Variants in PRELID2 observed in about 807,000 individuals in gnomAD.
PRELID2 encodes PRELI domain containing 2.
A neutral mutation model predicts 28.4 loss-of-function variants in PRELID2; 25 were observed. The observed-to-expected ratio is 0.88, with a 90% confidence interval of 0.64 to 1.23. The LOEUF (loss-of-function observed/expected upper bound fraction) is 1.23. Among genes scored for constraint, PRELID2 ranks in the 50% most tolerant of loss-of-function variants. The pLI is 0.00. For missense variants in PRELID2, 201 were observed against 214.4 expected, an observed-to-expected ratio of 0.94 and a Z score of 0.39; for synonymous variants, 76 against 71.6, an observed-to-expected ratio of 1.06 and a Z score of -0.31.
intron 1 of PRELID2, among the ~76,000 whole-genome samples, chr5:145,711,581 A>G (rs969999326): frequency 2.6e-5 from 4 of 152,170 alleles, no homozygotes; most frequent in Non-Finnish European, 4.4e-5. Flanking sequence ...GGGTGCTTAC[A>G]TGGAAATCTG....
the PRELID2 span, among the ~76,000 whole-genome samples, chr5:145,375,856 T>C: frequency 7.2e-5 from 11 of 152,166 alleles, no homozygotes; most frequent in Non-Finnish European, 1.2e-4. Flanking sequence ...CCTGGAGCTA[T>C]AGAGATGCAT....
chr5:145,544,404 T>C (rs1214390797), intron 1 of PRELID2, among the ~76,000 whole-genome samples: 1 of 152,130 alleles, frequency 6.6e-6, no homozygotes, highest in African/African-American at 2.4e-5. Flanking sequence ...TATGGCGAGG[T>C]ACAAATGTGC....
chr5:145,752,051 C>A (rs1757136982), downstream of PRELID2, among the ~76,000 whole-genome samples: 1 of 152,118 alleles, frequency 6.6e-6, no homozygotes, highest in Non-Finnish European at 1.5e-5. Context: ...GACTGCAGAT[C>A]CCTAAGAGAA....
At chr5:145,553,189 C>A (rs1185925946) in intron 1 of PRELID2, among the ~76,000 whole-genome samples, 5 of 141,580 alleles carry the variant, frequency 3.5e-5, no homozygotes, top group Non-Finnish European at 6.1e-5. Flanking sequence ...AGGACCCCCC[C>A]CCCCAAAAAA....
At chr5:145,828,808 A>T (rs1019639335) in intron 1 of PRELID2, among the ~76,000 whole-genome samples, 1 of 146,652 alleles carries the variant, frequency 6.8e-6, no homozygotes, top group Non-Finnish European at 1.5e-5. Flanking sequence ...AGACAGGTCC[A>T]TGTACTTAGA....
At chr5:145,315,604 T>C in the PRELID2 span, among the ~76,000 whole-genome samples, 1 of 149,606 alleles carries the variant, frequency 6.7e-6, no homozygotes, top group Admixed American at 6.7e-5. Context: ...ATCATGCCAG[T>C]TGGATCTTTT....
downstream of PRELID2, among the ~76,000 whole-genome samples, chr5:145,753,979 T>TAGCCCACA (rs1757193280): frequency 2.6e-5 from 4 of 152,294 alleles, no homozygotes; most frequent in Admixed American, 2.6e-4. Context: ...CTCGCAGGAC[T>TAGCCCACA]AGCCCACACA....
chr5:145,238,517 T>C, the PRELID2 span, among the ~76,000 whole-genome samples: 20 of 152,152 alleles, frequency 1.3e-4, no homozygotes, highest in Non-Finnish European at 2.9e-4. Context: ...TTCCTATTGC[T>C]ACTTTTCCAT....
chr5:145,748,545 C>T (rs1037889790), intron 1 of PRELID2, among the ~76,000 whole-genome samples: 26 of 152,174 alleles, frequency 1.7e-4, no homozygotes, highest in African/African-American at 6.3e-4. Flanking sequence ...AATGGCCATA[C>T]TGCCCCAAGT....
At chr5:145,431,006 GT>G in the PRELID2 span, among the ~76,000 whole-genome samples, 2,885 of 55,588 alleles carry the variant, frequency 0.052, 134 homozygotes, top group African/African-American at 0.12. Context: ...CCTGGCAATG[GT>G]TTTTTTTTTT....
In PRELID2 at chr5:145,764,917, C is replaced by T. The variant is rs201863103; in HGVS notation, c.*10+14G>A. 8.8e-6 allele frequency: 14 copies of T among 1,595,710 alleles called. No homozygotes were observed. The highest frequency in any genetic ancestry group is 1.7e-4 in the Middle Eastern group (1 of 6,032). ...GCTTGTGTAAATAATTCTGACTTTG[C>T]TTTTGGTACTCACTGATGATTCTTT... On this transcript the variant is annotated intron_variant, in intron 6 of 6. Coordinates refer to ENST00000683046, the MANE Select transcript of PRELID2 (RefSeq NM_205846.3).
At chr5:145,647,359 G>A (rs1754215649) in intron 1 of PRELID2, among the ~76,000 whole-genome samples, 2 of 152,024 alleles carry the variant, frequency 1.3e-5, no homozygotes, top group African/African-American at 2.4e-5. Context: ...AATGGTCGAC[G>A]CACCTCCCCC....
intron 1 of PRELID2, among the ~76,000 whole-genome samples, chr5:145,553,311 C>A (rs1310089871): frequency 6.6e-6 from 1 of 151,922 alleles, no homozygotes; most frequent in African/African-American, 2.4e-5. Flanking sequence ...ACAATGCAAG[C>A]CACACAGGTA....
At chr5:145,714,156 G>T (rs1755780630) in intron 1 of PRELID2, among the ~76,000 whole-genome samples, 1 of 152,052 alleles carries the variant, frequency 6.6e-6, no homozygotes, top group Admixed American at 6.6e-5. Flanking sequence ...CAGGAAGAGA[G>T]CATGAATATA....
chr5:145,720,524 A>T (rs1039340360), intron 1 of PRELID2, among the ~76,000 whole-genome samples: 1 of 151,994 alleles, frequency 6.6e-6, no homozygotes, highest in Non-Finnish European at 1.5e-5. Flanking sequence ...TTCAAGATCA[A>T]GGTCTAAAAA....
At chr5:145,666,949 C>T (rs1013259401) in intron 1 of PRELID2, among the ~76,000 whole-genome samples, 6 of 151,936 alleles carry the variant, frequency 3.9e-5, no homozygotes, top group Admixed American at 3.9e-4. Flanking sequence ...ATATTTAAAA[C>T]CTCTTATTGT....
chr5:145,503,002 T>A (rs926059680), intron 1 of PRELID2, among the ~76,000 whole-genome samples: 1 of 152,160 alleles, frequency 6.6e-6, no homozygotes, highest in African/African-American at 2.4e-5. Flanking sequence ...ATACACTTTT[T>A]AACAATGAGA....
At chr5:145,781,116 T>C (rs1420681827) in intron 5 of PRELID2, among the ~76,000 whole-genome samples, 1 of 152,140 alleles carries the variant, frequency 6.6e-6, no homozygotes, top group Non-Finnish European at 1.5e-5. Flanking sequence ...TAGGGGTGGC[T>C]ACAACCAAAG....
intron 1 of PRELID2, among the ~76,000 whole-genome samples, chr5:145,564,754 AG>A (rs1471599352): frequency 6.6e-6 from 1 of 152,240 alleles, no homozygotes; most frequent in Non-Finnish European, 1.5e-5. Flanking sequence ...AATTGATGGA[AG>A]AAATAAATAA....
Sources: allele counts gnomAD v4.1 joint callset (sites outside exome capture counted in the v4.1 genomes callset), GRCh38; gene constraint gnomAD v4.1.1; transcripts MANE v1.5; gene names NCBI Gene and HGNC (gene_info 2026-07-23, HGNC 2026-07-21).